The following TBC1D4 variants were observed in gnomAD, a reference collection of about 807,000 sequenced individuals.
TBC1D4 encodes TBC (Tre-2, BUB2, CDC16) domain-containing protein.
Under a neutral mutation model 142.5 loss-of-function variants are expected in TBC1D4, and 121 were observed. That is an observed-to-expected ratio of 0.85 (90% CI 0.73 to 0.99). The LOEUF is 0.99. TBC1D4 is among the 50% of genes least tolerant of loss of function. TBC1D4 has a pLI of 0.00. For synonymous variants in TBC1D4, 630 were observed against 628.2 expected, an observed-to-expected ratio of 1.00 and a Z score of -0.04; for missense variants, 1,475 against 1,606.6, an observed-to-expected ratio of 0.92 and a Z score of 1.40.
chr13:75,404,613 C>A (rs990348971), intron 1 of TBC1D4, among the ~76,000 whole-genome samples: 3 of 152,046 alleles, frequency 2.0e-5, no homozygotes, highest in African/African-American at 7.2e-5. Flanking sequence ...ATGTAAAGTG[C>A]CATTTCTAAC....
Position 75,292,223 on chromosome 13 carries a change from C to T in TBC1D4, c.3365G>A (p.Ser1122Asn), listed in dbSNP as rs368562871. ...GTEVIFKVAL[S>N]LLSSQETLIM... ...AAGTGTCTCTTGGCTGCTCAGTAGGCTGAGTGCAACCTTGAATATAACTTC... is the reference window on the plus strand; with the variant it reads ...AAGTGTCTCTTGGCTGCTCAGTAGGTTGAGTGCAACCTTGAATATAACTTC... Residue 1122 changes from serine to asparagine, a missense_variant, in exon 19 of 21, where the codon AGC becomes AAC. By Grantham distance (46) the Ser-to-Asn change is conservative (BLOSUM62 1). This residue lies in a region of TBC1D4 where 248 missense variants were observed against 338.9 expected (regional missense o/e 0.73). Coordinates refer to ENST00000377636, the MANE Select transcript of TBC1D4 (RefSeq NM_014832.5). 6.2e-7 allele frequency: 1 copy of T among 1,613,330 alleles called. No individual in the cohort carries two copies. Among genetic ancestry groups the T allele is most frequent in the Non-Finnish European group, 8.5e-7 (1 of 1,179,624 alleles).
chr13:75,317,790 G>T (rs953724766), intron 12 of TBC1D4, among the ~76,000 whole-genome samples: 2 of 152,126 alleles, frequency 1.3e-5, no homozygotes, highest in African/African-American at 4.8e-5. Context: ...CTGGTATATT[G>T]TATATATACT....
At chr13:75,411,400 A>T (rs1340261371) in intron 1 of TBC1D4, among the ~76,000 whole-genome samples, 1 of 152,212 alleles carries the variant, frequency 6.6e-6, no homozygotes, top group African/African-American at 2.4e-5. Flanking sequence ...AGTAAAGGAC[A>T]TTTCCTAAAA....
chr13:75,431,537 G>A (rs541927117), intron 1 of TBC1D4, among the ~76,000 whole-genome samples: 1 of 152,286 alleles, frequency 6.6e-6, no homozygotes, highest in Admixed American at 6.5e-5. Context: ...GGGAACTTCA[G>A]CATGAGTAAC....
chr13:75,345,529 G>A (rs1245621384), intron 5 of TBC1D4, among the ~76,000 whole-genome samples: 1 of 152,164 alleles, frequency 6.6e-6, no homozygotes, highest in African/African-American at 2.4e-5. Flanking sequence ...GAGTCCCTTC[G>A]AGATTTTGGG....
chr13:75,424,837 T>A (rs777137856), intron 1 of TBC1D4, among the ~76,000 whole-genome samples: 5 of 152,166 alleles, frequency 3.3e-5, no homozygotes, highest in Non-Finnish European at 7.3e-5. Context: ...TAGACCCTTA[T>A]CTCGCACCAT....
Position 75,481,873 on chromosome 13 carries a change from C to T in TBC1D4, c.-106G>A. The T allele has an allele frequency of 7.3e-7, 1 of 1,362,296 alleles. No homozygotes were observed. The highest frequency in any genetic ancestry group is 9.4e-7 in the Non-Finnish European group (1 of 1,062,522). The allele number at this position is 1,362,296 out of a possible 1,614,324, so 84.4% of individuals were successfully genotyped here. On this transcript the variant is annotated 5_prime_UTR_variant, in exon 1 of 21. Coordinates refer to ENST00000377636, the MANE Select transcript of TBC1D4 (RefSeq NM_014832.5). ...ACTGTGCCAACTGCCGCACCGGGCT[C>T]CCGCGCCTGCCTGGGAGCGGCGCGA... is the stretch of plus-strand genomic sequence containing the variant.
chr13:75,299,698 C>T, intron 16 of TBC1D4, 124 bp from the exon 17 acceptor site: 1 of 1,221,616 alleles, frequency 8.2e-7, no homozygotes. Context: ...GTGAGAGTTG[C>T]TTAGAGTCAC....
Position 75,286,943 on chromosome 13 carries a change from C to G in TBC1D4, c.3746G>C (p.Arg1249Pro), listed in dbSNP as rs765237270. Residue 1249 changes from arginine to proline, a missense_variant, in exon 21 of 21, where the codon CGG becomes CCG. Around this residue, in one of 2 missense-constraint regions of TBC1D4, gnomAD observed 248 missense variants for 338.9 expected, o/e 0.73. Transcript: ENST00000377636. ...AGCCATTTTTTCTTGTTCCAGGGTC[C>G]GGATTAAAGACTTCATTTTGGTCTC... ...TRETKMKSLIRTLEQEKMAYQ... is the reference protein window; with the variant it reads ...TRETKMKSLIPTLEQEKMAYQ... 20 of 1,613,680 alleles carry G rather than the reference C, an allele frequency of 1.2e-5. No homozygotes were observed. The highest frequency in any genetic ancestry group is 1.7e-5 in the Non-Finnish European group (20 of 1,179,946).
chr13:75,443,067 T>C (rs1887118607), intron 1 of TBC1D4, among the ~76,000 whole-genome samples: 1 of 152,250 alleles, frequency 6.6e-6, no homozygotes, highest in Non-Finnish European at 1.5e-5. Flanking sequence ...AAGTTTATCG[T>C]AGCTCCTCTG....
Position 75,412,283 on chromosome 13 carries a change from G to T in TBC1D4, c.499-49676C>A, listed in dbSNP as rs539820041. Among the ~76,000 whole-genome samples, 10 of 151,756 alleles carry T rather than the reference G, an allele frequency of 6.6e-5. No homozygotes were observed. In the East Asian group the frequency reaches 1.9e-3, roughly 29 times the overall value. ...GCCTAAAAGACGTGGGGTTTTTTTTGTTTGTTTGTTTTTCTTTTGAGACAG... is the reference window on the plus strand; with the variant it reads ...GCCTAAAAGACGTGGGGTTTTTTTTTTTTGTTTGTTTTTCTTTTGAGACAG... On this transcript the variant is annotated intron_variant, in intron 1 of 20. Coordinates refer to ENST00000377636, the MANE Select transcript of TBC1D4 (RefSeq NM_014832.5).
At chr13:75,363,587 G>A (rs750848226) in intron 1 of TBC1D4, among the ~76,000 whole-genome samples, 1 of 151,310 alleles carries the variant, frequency 6.6e-6, no homozygotes, top group Non-Finnish European at 1.5e-5. Flanking sequence ...CGCCTTTCCA[G>A]ACGGATCCAA....
At chr13:75,354,366 G>A (rs1449873437) in intron 4 of TBC1D4, among the ~76,000 whole-genome samples, 1 of 152,158 alleles carries the variant, frequency 6.6e-6, no homozygotes, top group East Asian at 1.9e-4. Context: ...CGACTAGTTA[G>A]GACATTAACA....
chr13:75,302,073 C>T (rs929676446), intron 16 of TBC1D4, among the ~76,000 whole-genome samples, 170 bp downstream of exon 16: 6 of 152,072 alleles, frequency 3.9e-5, no homozygotes, highest in African/African-American at 1.2e-4. Flanking sequence ...TTTATGGGAT[C>T]GTCAATCAGG....
intron 1 of TBC1D4, among the ~76,000 whole-genome samples, chr13:75,408,124 C>T (rs564791601): frequency 6.6e-6 from 1 of 152,130 alleles, no homozygotes; most frequent in African/African-American, 2.4e-5. Context: ...CTGGACCTTA[C>T]CCCCTTCCCC....
intron 1 of TBC1D4, among the ~76,000 whole-genome samples, chr13:75,396,758 C>T (rs1884813982): frequency 6.6e-6 from 1 of 151,928 alleles, no homozygotes; most frequent in Admixed American, 6.6e-5. Flanking sequence ...TAATCATACA[C>T]CCTTAAATGT....
At chr13:75,287,116 T>A (rs1405871618) in intron 20 of TBC1D4, 91 bp from the exon 21 acceptor site, 3 of 1,050,452 alleles carry the variant, frequency 2.9e-6, no homozygotes, top group African/African-American at 1.6e-5. Context: ...TTCAAATTAC[T>A]TAATAAAATA....
At chr13:75,440,568 T>A (rs1323433756) in intron 1 of TBC1D4, among the ~76,000 whole-genome samples, 1 of 151,238 alleles carries the variant, frequency 6.6e-6, no homozygotes, top group African/African-American at 2.4e-5. Flanking sequence ...AAAAAAAAAA[T>A]TATAGAGATA....
In TBC1D4 at chr13:75,285,309, C is replaced by T. The variant is rs1166796860; in HGVS notation, c.*1483G>A. ...AGCTTTACTATTCTACTCTATAATA[C>T]ATTTTCACTGTGTATAACAAACTCC... On this transcript the variant is annotated 3_prime_UTR_variant, in exon 21 of 21. Transcript: ENST00000377636. 6.6e-6 allele frequency: 1 copy of T among 152,174 alleles called. No homozygotes were observed. Among genetic ancestry groups the T allele is most frequent in the South Asian group, 2.1e-4 (1 of 4,832 alleles). 9.4% of individuals were successfully genotyped at this position (152,174 alleles called of 1,614,324 possible).
Sources: gnomAD v4.1 joint callset for allele counts (sites outside exome capture counted in the v4.1 genomes callset) on GRCh38, gnomAD v4.1.1 for gene constraint, gnomAD v4.1.1 regional missense constraint, MANE v1.5 for transcripts, NCBI Gene and HGNC (gene_info 2026-07-23, HGNC 2026-07-21) for gene names.